Variants in WLS observed in about 807,000 individuals in gnomAD.
WLS encodes Wnt ligand secretion mediator.
Under a neutral mutation model 62.8 loss-of-function variants are expected in WLS, and 23 were observed. The ratio of observed to expected loss-of-function variants is 0.37; its 90% CI spans 0.26 to 0.52. The LOEUF (loss-of-function observed/expected upper bound fraction) is 0.52. WLS is among the 20% of genes least tolerant of loss of function. WLS has a pLI of 0.92. For synonymous variants in WLS, 246 were observed against 244.1 expected (o/e 1.01, Z -0.07); for missense variants, 615 against 697.3 (o/e 0.88, Z 1.33).
At chr1:68,135,305 CTTTTTTTT>C (rs71581156) in intron 11 of WLS, among the ~76,000 whole-genome samples, 8 of 66,788 alleles carry the variant, frequency 1.2e-4, no homozygotes, top group African/African-American at 3.7e-4. Flanking sequence ...CCATGCCTGG[CTTTTTTTT>C]TTTTTTTTTT....
intron 11 of WLS, among the ~76,000 whole-genome samples, chr1:68,128,325 C>T (rs754554501): frequency 3.9e-5 from 6 of 152,190 alleles, no homozygotes; most frequent in African/African-American, 1.4e-4. Context: ...TAGTCCACAC[C>T]TCAGTCAAGC....
intron 6 of WLS, 125 bp from the exon 7 acceptor site, chr1:68,148,785 CT>C: frequency 1.3e-6 from 1 of 795,394 alleles, no homozygotes; most frequent in Non-Finnish European, 2.0e-6. Flanking sequence ...ATGCTAGATT[CT>C]AGGTATGAGA....
At chr1:68,230,588 C>CGTGTGTGTGTGTGTGTGT (rs145944948) in intron 1 of WLS, among the ~76,000 whole-genome samples, 23 of 149,048 alleles carry the variant, frequency 1.5e-4, no homozygotes, top group Non-Finnish European at 3.1e-4. Flanking sequence ...TGTGTGCGCG[C>CGTGTGTGTGTGTGTGTGT]GTGTGTGTGT....
At chr1:68,190,017 T>A (rs185788477) in intron 2 of WLS, among the ~76,000 whole-genome samples, 5 of 152,128 alleles carry the variant, frequency 3.3e-5, no homozygotes, top group Non-Finnish European at 5.9e-5. Flanking sequence ...TCAAAAAAAA[T>A]AAATAAAAAA....
At chr1:68,163,084 G>C (rs1375720206) in intron 2 of WLS, 1 of 1,563,328 alleles carries the variant, frequency 6.4e-7, no homozygotes, top group South Asian at 1.1e-5. Flanking sequence ...TTATCCACAA[G>C]GGCCATACTT....
chr1:68,165,449 C>T (rs1647047234), intron 2 of WLS, among the ~76,000 whole-genome samples: 1 of 152,198 alleles, frequency 6.6e-6, no homozygotes. Flanking sequence ...GAACATTCTG[C>T]CTAGACAGCT....
At chr1:68,108,571 G>A (rs1357411519) in intron 11 of WLS, among the ~76,000 whole-genome samples, 1 of 152,182 alleles carries the variant, frequency 6.6e-6, no homozygotes, top group African/African-American at 2.4e-5. Context: ...TGGGCAATGA[G>A]CTCAAAGAGT....
chr1:68,143,662 T>G (rs1646715918), intron 10 of WLS, among the ~76,000 whole-genome samples: 1 of 152,202 alleles, frequency 6.6e-6, no homozygotes, highest in Non-Finnish European at 1.5e-5. Context: ...ATGGCCTAGG[T>G]ATGTAGTAAG....
intron 5 of WLS, among the ~76,000 whole-genome samples, chr1:68,150,624 C>T (rs1378472450): frequency 6.6e-6 from 1 of 152,194 alleles, no homozygotes; most frequent in Non-Finnish European, 1.5e-5. Flanking sequence ...AGATGGCAGT[C>T]TTCCTATAAT....
chr1:68,212,080 C>A (rs1302467601), intron 1 of WLS, among the ~76,000 whole-genome samples: 1 of 152,188 alleles, frequency 6.6e-6, no homozygotes, highest in African/African-American at 2.4e-5. Context: ...TTCCTTCCCC[C>A]TTTTTTGATC....
intron 11 of WLS, among the ~76,000 whole-genome samples, chr1:68,110,578 T>C (rs1570803419): frequency 6.6e-6 from 1 of 151,802 alleles, no homozygotes; most frequent in East Asian, 1.9e-4. Flanking sequence ...AAAGCTAAAG[T>C]AATTAAAACA....
chr1:68,111,075 C>T (rs1300420386), intron 11 of WLS, among the ~76,000 whole-genome samples: 4 of 152,032 alleles, frequency 2.6e-5, no homozygotes, highest in Admixed American at 6.6e-5. Flanking sequence ...TAAATGAAAA[C>T]ATAAGGAATT....
chr1:68,178,830 T>C (rs1341808989), intron 2 of WLS, among the ~76,000 whole-genome samples: 1 of 152,154 alleles, frequency 6.6e-6, no homozygotes, highest in Non-Finnish European at 1.5e-5. Flanking sequence ...AATGCTAGCA[T>C]GTAGTACAAG....
At chr1:68,133,313 G>A (rs909574190) in intron 11 of WLS, among the ~76,000 whole-genome samples, 8 of 152,270 alleles carry the variant, frequency 5.3e-5, no homozygotes, top group African/African-American at 9.6e-5. Flanking sequence ...GGAAGTCCAC[G>A]AAAGCCTGTG....
intron 2 of WLS, among the ~76,000 whole-genome samples, chr1:68,165,118 G>C (rs1366121227): frequency 6.6e-6 from 1 of 152,100 alleles, no homozygotes; most frequent in Non-Finnish European, 1.5e-5. Flanking sequence ...TGTTGAAAAG[G>C]GTGCTTGGAG....
At chr1:68,123,441 A>C (rs1646387480), downstream of WLS, among the ~76,000 whole-genome samples, 1 of 151,592 alleles carries the variant, frequency 6.6e-6, no homozygotes, top group African/African-American at 2.4e-5. Flanking sequence ...CTTGGTGGTC[A>C]TCTGCTTGAT....
chr1:68,134,922 A>G (rs745908501), intron 11 of WLS, among the ~76,000 whole-genome samples: 3 of 152,210 alleles, frequency 2.0e-5, no homozygotes, highest in Non-Finnish European at 4.4e-5. Flanking sequence ...TCTGTCCAAC[A>G]TGGTGGTCTG....
Position 68,125,796 on chromosome 1 carries a change from A to G in WLS, c.*430T>C, listed in dbSNP as rs1425964472. Reference sequence around the variant, plus strand: ...AGTGAGAAGACTATGACACCAGCCTACCTTGGACTGGGACCGCAAAGGATG... The same window carrying G: ...AGTGAGAAGACTATGACACCAGCCTGCCTTGGACTGGGACCGCAAAGGATG... On this transcript the variant is annotated 3_prime_UTR_variant, in exon 12 of 12. Coordinates refer to ENST00000262348, the MANE Select transcript of WLS (RefSeq NM_024911.7). 2.0e-6 allele frequency: 2 copies of G among 1,000,320 alleles called. No homozygotes were observed. The highest frequency in any genetic ancestry group is 2.4e-6 in the Non-Finnish European group (2 of 839,096). The allele number at this position is 1,000,320 out of a possible 1,614,324, so 62.0% of individuals were successfully genotyped here.
chr1:68,109,995 CAACACAAAAAGTAAAAAAAAAA>C (rs1646199968), intron 11 of WLS, among the ~76,000 whole-genome samples: 1 of 32,476 alleles, frequency 3.1e-5, no homozygotes. Flanking sequence ...CACTGGAACA[CAACACAAAAAGTAAAAAAAAAA>C]AAAAAAAAAA....
Sources: gnomAD v4.1 joint callset for allele counts (sites outside exome capture counted in the v4.1 genomes callset) on GRCh38, gnomAD v4.1.1 for gene constraint, MANE v1.5 for transcripts, NCBI Gene and HGNC (gene_info 2026-07-23, HGNC 2026-07-21) for gene names.